The following VAT1L variants were observed in gnomAD, a reference collection of about 807,000 sequenced individuals.
The protein encoded by VAT1L is vesicle amine transport 1 like, also known as putative NADPH-dependent quinone oxidoreductase VAT1L.
Under a neutral mutation model 44.1 loss-of-function variants are expected in VAT1L, and 34 were observed. The observed-to-expected ratio is 0.77, with a 90% CI of 0.59 to 1.03. VAT1L has a LOEUF of 1.03. Ranked by LOEUF, VAT1L falls within the 50% of genes least tolerant of loss-of-function variation. The pLI, the probability that VAT1L is intolerant of heterozygous loss-of-function variation, is 0.00. For synonymous variants in VAT1L, 253 were observed against 202.2 expected (o/e 1.25, Z -2.13); for missense variants, 615 against 538.8 (o/e 1.14, Z -1.40).
intron 2 of VAT1L, 55 bp from the exon 3 acceptor site, chr16:77,825,191 C>T: frequency 1.3e-6 from 2 of 1,599,232 alleles, no homozygotes; most frequent in Non-Finnish European, 1.7e-6. Flanking sequence ...CTGTTCTCTC[C>T]TTGAGCCTCT....
chr16:77,920,107 C>T (rs2017595837), intron 7 of VAT1L, among the ~76,000 whole-genome samples: 2 of 152,116 alleles, frequency 1.3e-5, no homozygotes, highest in South Asian at 2.1e-4. Flanking sequence ...AAAATCAAAC[C>T]GTATCCGGAT....
chr16:77,976,844 G>C (rs1188247403), intron 8 of VAT1L, among the ~76,000 whole-genome samples: 3 of 152,170 alleles, frequency 2.0e-5, no homozygotes, highest in Non-Finnish European at 4.4e-5. Flanking sequence ...ATTAACAAAA[G>C]AAAAGGAGTC....
intron 7 of VAT1L, among the ~76,000 whole-genome samples, chr16:77,932,691 A>C (rs77684618): frequency 2.6e-5 from 4 of 152,272 alleles, no homozygotes; most frequent in Non-Finnish European, 5.9e-5. Flanking sequence ...GGTGAAAGGA[A>C]TGCCACCTCC....
chr16:77,940,911 C>T (rs1430112011), intron 7 of VAT1L, among the ~76,000 whole-genome samples: 1 of 152,158 alleles, frequency 6.6e-6, no homozygotes, highest in African/African-American at 2.4e-5. Flanking sequence ...CAGTGAGGTA[C>T]TAATCTGCTT....
At chr16:77,948,127 C>T (rs2017993129) in intron 7 of VAT1L, among the ~76,000 whole-genome samples, 1 of 152,206 alleles carries the variant, frequency 6.6e-6, no homozygotes, top group Admixed American at 6.5e-5. Context: ...CTCCACTGGA[C>T]TCACATGCCT....
At chr16:77,888,621 T>C (rs2017232177) in intron 7 of VAT1L, among the ~76,000 whole-genome samples, 1 of 152,148 alleles carries the variant, frequency 6.6e-6, no homozygotes, top group South Asian at 2.1e-4. Context: ...GCTGAATAAT[T>C]TTTTTGCTGG....
At chr16:77,940,330 A>G (rs993882989) in intron 7 of VAT1L, among the ~76,000 whole-genome samples, 1 of 146,626 alleles carries the variant, frequency 6.8e-6, no homozygotes, top group Non-Finnish European at 1.5e-5. Context: ...CAGGTCTAAC[A>G]TACCACTTGG....
intron 1 of VAT1L, among the ~76,000 whole-genome samples, chr16:77,789,528 A>C (rs1198124270): frequency 6.6e-6 from 1 of 152,136 alleles, no homozygotes; most frequent in Non-Finnish European, 1.5e-5. Flanking sequence ...GACAGGGTGC[A>C]GGGCTGGATC....
intron 7 of VAT1L, among the ~76,000 whole-genome samples, chr16:77,938,792 A>G (rs1272693294): frequency 6.6e-6 from 1 of 152,240 alleles, no homozygotes; most frequent in Non-Finnish European, 1.5e-5. Flanking sequence ...CACTGTGAGA[A>G]CAGACTAATA....
intron 1 of VAT1L, among the ~76,000 whole-genome samples, chr16:77,796,952 T>C (rs980547497): frequency 6.6e-6 from 1 of 152,004 alleles, no homozygotes; most frequent in Non-Finnish European, 1.5e-5. Context: ...AGTAGAATAA[T>C]AGACACTGGA....
intron 7 of VAT1L, among the ~76,000 whole-genome samples, chr16:77,896,368 GCCT>G (rs879864214): frequency 0.04 from 6,164 of 152,264 alleles, 242 homozygotes; most frequent in East Asian, 0.16. Flanking sequence ...CCATGGGCTT[GCCT>G]CCCTCATTGA....
chr16:77,809,704 T>G (rs780290313), intron 1 of VAT1L, among the ~76,000 whole-genome samples: 3 of 152,228 alleles, frequency 2.0e-5, no homozygotes, highest in Non-Finnish European at 4.4e-5. Context: ...TCTACTGCCA[T>G]TGCCCACAAA....
intron 7 of VAT1L, among the ~76,000 whole-genome samples, chr16:77,959,528 A>G (rs1238355216): frequency 6.6e-6 from 1 of 152,096 alleles, no homozygotes; most frequent in Non-Finnish European, 1.5e-5. Flanking sequence ...AAAGCTTTTA[A>G]TTTATCATCT....
chr16:77,803,689 G>C (rs973483093), intron 1 of VAT1L, among the ~76,000 whole-genome samples: 1 of 152,136 alleles, frequency 6.6e-6, no homozygotes. Flanking sequence ...AAAGAGCTGG[G>C]ATTACAGGCG....
At chr16:77,903,797 C>T (rs184097744) in intron 7 of VAT1L, among the ~76,000 whole-genome samples, 47 of 142,660 alleles carry the variant, frequency 3.3e-4, no homozygotes, top group Admixed American at 6.6e-4. Flanking sequence ...AGTGCAGTGG[C>T]GTGATCTCGG....
At chr16:77,938,085 C>A (rs898534309) in intron 7 of VAT1L, among the ~76,000 whole-genome samples, 5 of 152,188 alleles carry the variant, frequency 3.3e-5, no homozygotes, top group African/African-American at 1.2e-4. Flanking sequence ...TAGACTGTGT[C>A]TACATGTGGA....
intron 7 of VAT1L, among the ~76,000 whole-genome samples, chr16:77,943,432 T>A (rs1419357876): frequency 7.0e-6 from 1 of 142,528 alleles, no homozygotes; most frequent in Admixed American, 7.3e-5. Context: ...CAGGCTGGAC[T>A]GTAGTTTCCC....
At chr16:77,825,126 C>G (rs577892700) in intron 2 of VAT1L, 120 bp from the exon 3 acceptor site, 21 of 1,067,142 alleles carry the variant, frequency 2.0e-5, no homozygotes, top group Non-Finnish European at 2.8e-5. Context: ...CTCAGCCTCC[C>G]AAAGTGCTGG....
At chr16:77,906,898 A>G (rs2017443107) in intron 7 of VAT1L, among the ~76,000 whole-genome samples, 1 of 152,146 alleles carries the variant, frequency 6.6e-6, no homozygotes, top group Non-Finnish European at 1.5e-5. Context: ...GCTAGGGTAT[A>G]AAGGGGCCCA....
Sources: gnomAD v4.1 joint callset for allele counts (sites outside exome capture counted in the v4.1 genomes callset) on GRCh38, gnomAD v4.1.1 for gene constraint, MANE v1.5 for transcripts, NCBI Gene and HGNC (gene_info 2026-07-23, HGNC 2026-07-21) for gene names.